The following LMO3 variants were observed in gnomAD, a reference collection of about 807,000 sequenced individuals.
LMO3 encodes LIM domain only 3, also known as LIM domain only protein 3.
In LMO3, 2 loss-of-function variants were observed where a neutral mutation model predicts 15.8. The observed-to-expected ratio is 0.13, with a 90% CI of 0.05 to 0.40. The LOEUF is 0.40. Ranked by LOEUF, LMO3 falls within the 10% of genes least tolerant of loss-of-function variation. The pLI, the probability that LMO3 is intolerant of heterozygous loss-of-function variation, is 0.99. For synonymous variants in LMO3, 62 were observed against 63.8 expected (o/e 0.97, Z 0.13); for missense variants, 86 against 182.2 (o/e 0.47, Z 3.04).
At chr12:16,600,489 T>G in intron 2 of LMO3, 166 bp downstream of exon 2, 1 of 615,850 alleles carries the variant, frequency 1.6e-6, no homozygotes, top group Non-Finnish European at 2.8e-6. Context: ...TCCTTAAGCA[T>G]TAATTTGAGT....
chr12:16,561,751 A>C (rs1260519824), intron 2 of LMO3, among the ~76,000 whole-genome samples: 1 of 152,208 alleles, frequency 6.6e-6, no homozygotes, highest in Non-Finnish European at 1.5e-5. Context: ...AGTTGTTGGA[A>C]ACAGTTGTGA....
At position 16,593,627 on chromosome 12, in the gene LMO3, G is replaced by A. The variant is rs1943559857; in HGVS notation, c.206+7028C>T. Among the ~76,000 whole-genome samples, 2 of 151,784 alleles carry A rather than the reference G, an allele frequency of 1.3e-5. No homozygotes were observed. The highest frequency in any genetic ancestry group is 2.1e-4 in the South Asian group (1 of 4,830). On this transcript the variant is annotated intron_variant, in intron 2 of 3. Coordinates refer to ENST00000537304, the MANE Select transcript of LMO3 (RefSeq NM_018640.5). This position sits in a 1 kb window ranked among gnomAD's most constrained non-coding sequence, Gnocchi z 4.2. The stretch of plus-strand genomic sequence containing the variant: ...AAAAAATGGCACAAGCAAATGCACA[G>A]TTGGCTGATGTAGTTAGTTTGTGAA...
At chr12:16,594,810 A>T (rs2137655127) in intron 2 of LMO3, among the ~76,000 whole-genome samples, 1 of 151,760 alleles carries the variant, frequency 6.6e-6, no homozygotes. Flanking sequence ...AGCATATTTT[A>T]AAAATGAGAT....
chr12:16,565,008 T>A (rs956184876), intron 2 of LMO3, among the ~76,000 whole-genome samples: 3 of 152,122 alleles, frequency 2.0e-5, no homozygotes, highest in African/African-American at 7.2e-5. Context: ...CAGGCTGAAC[T>A]CACACTCTTG....
In LMO3 at chr12:16,598,759, T is replaced by C. The variant is rs1402749846; in HGVS notation, c.206+1896A>G. 6.4e-6 allele frequency: 1 copy of C among 155,298 alleles called. No individual in the cohort carries two copies. Among genetic ancestry groups the C allele is most frequent in the African/African-American group, 2.4e-5 (1 of 41,580 alleles). The allele number at this position is 155,298 out of a possible 1,614,324, so 9.6% of individuals were successfully genotyped here. A position where few individuals can be genotyped will look rare whatever the true frequency, so the allele number is the denominator to read the frequency against. On this transcript the variant is annotated intron_variant, in intron 2 of 3. Transcript: ENST00000537304. This position sits in a 1 kb window ranked among gnomAD's most constrained non-coding sequence, Gnocchi z 4.3. ...TAAGATTACTGTCTTTGCTCGATGC[T>C]ATGTTGACAGCTAAGAAGCATGTTA... is the stretch of plus-strand genomic sequence containing the variant.
chr12:16,566,007 TATATATATA>T (rs2137383963), intron 2 of LMO3, among the ~76,000 whole-genome samples: 1 of 63,136 alleles, frequency 1.6e-5, no homozygotes, highest in Non-Finnish European at 3.1e-5. Context: ...TATATATATA[TATATATATA>T]TATATATATA....
chr12:16,597,019 C>T lies in LMO3; in HGVS notation c.206+3636G>A, dbSNP rs1433892988. Among the ~76,000 whole-genome samples the T allele has an allele frequency of 6.6e-6, 1 of 151,668 alleles. No homozygotes were observed. Among genetic ancestry groups the T allele is most frequent in the East Asian group, 1.9e-4 (1 of 5,188 alleles). ...TAGATTTCATAATTTCAGTCAGAAA[C>T]ATGTTAGAGGAAGTTTTAAAAAGTC... is the stretch of plus-strand genomic sequence containing the variant. On this transcript the variant is annotated intron_variant, in intron 2 of 3. Coordinates refer to ENST00000537304, the MANE Select transcript of LMO3 (RefSeq NM_018640.5). The surrounding 1 kb of genome is among the most constrained non-coding windows in gnomAD (Gnocchi z 5.0).
At chr12:16,575,527 T>C (rs1390387153) in intron 2 of LMO3, among the ~76,000 whole-genome samples, 1 of 152,208 alleles carries the variant, frequency 6.6e-6, no homozygotes, top group Middle Eastern at 3.2e-3. Context: ...CCAGACACTG[T>C]TCTAAGCATT....
rs1001117841 is a variant in LMO3 at position 16,596,237 on chromosome 12, A to T, written c.206+4418T>A. 6.6e-6 allele frequency among the ~76,000 whole-genome samples: 1 copy of T among 151,504 alleles called. No homozygotes were observed. The highest frequency in any genetic ancestry group is 6.6e-5 in the Admixed American group (1 of 15,186). On this transcript the variant is annotated intron_variant, in intron 2 of 3. Coordinates refer to ENST00000537304, the MANE Select transcript of LMO3 (RefSeq NM_018640.5). This position sits in a 1 kb window ranked among gnomAD's most constrained non-coding sequence, Gnocchi z 4.3. ...TTTGTAGTCAGCATAGCAAGCTTCAAATCATTTTAGTTAATTAGCAACTAT... is the reference window on the plus strand; with the variant it reads ...TTTGTAGTCAGCATAGCAAGCTTCATATCATTTTAGTTAATTAGCAACTAT...
At chr12:16,590,342 C>T (rs558195998) in intron 2 of LMO3, among the ~76,000 whole-genome samples, 38 of 152,064 alleles carry the variant, frequency 2.5e-4, no homozygotes, top group Admixed American at 1.2e-3. Flanking sequence ...ATGTAATTCA[C>T]GAAATTGTTT....
rs1053294185 is a variant in LMO3 at position 16,584,582 on chromosome 12, G to C, written c.206+16073C>G. Among the ~76,000 whole-genome samples, 1 of 150,768 alleles carries C rather than the reference G, an allele frequency of 6.6e-6. No individual in the cohort carries two copies. The highest frequency in any genetic ancestry group is 1.5e-5 in the Non-Finnish European group (1 of 67,926). On this transcript the variant is annotated intron_variant, in intron 2 of 3. Transcript: ENST00000537304. This position sits in a 1 kb window ranked among gnomAD's most constrained non-coding sequence, Gnocchi z 5.2. The stretch of plus-strand genomic sequence containing the variant: ...TTTAGATTAACATTGGCAAGTGGAG[G>C]AGTGGGGGGGGTAAGAGGCCTGTTT...
chr12:16,587,732 C>G lies in LMO3; in HGVS notation c.206+12923G>C, dbSNP rs1325144991. The stretch of plus-strand genomic sequence containing the variant: ...GACAAACAATGATATGTATTACATG[C>G]AGTAAACACTGCCTTTGGTACACAG... On this transcript the variant is annotated intron_variant, in intron 2 of 3. Coordinates refer to ENST00000537304, the MANE Select transcript of LMO3 (RefSeq NM_018640.5). This position sits in a 1 kb window ranked among gnomAD's most constrained non-coding sequence, Gnocchi z 4.3. 6.6e-6 allele frequency among the ~76,000 whole-genome samples: 1 copy of G among 151,636 alleles called. No individual in the cohort carries two copies. Among genetic ancestry groups the G allele is most frequent in the Non-Finnish European group, 1.5e-5 (1 of 67,736 alleles).
intron 3 of LMO3, among the ~76,000 whole-genome samples, chr12:16,557,630 T>G (rs968032931): frequency 2.0e-5 from 3 of 152,114 alleles, no homozygotes; most frequent in African/African-American, 7.2e-5. Flanking sequence ...TTGTGATATA[T>G]GTCTTGTGGG....
At chr12:16,570,380 G>A (rs952935175) in intron 2 of LMO3, among the ~76,000 whole-genome samples, 1 of 151,960 alleles carries the variant, frequency 6.6e-6, no homozygotes, top group Non-Finnish European at 1.5e-5. Context: ...AAATTAAGTG[G>A]AGAGGTATCT....
chr12:16,560,545 T>A lies in LMO3; in HGVS notation c.207-7A>T, dbSNP rs756926903. The stretch of plus-strand genomic sequence containing the variant: ...TCCCGTTACACCAAAGAGCCTAGAA[T>A]AAGAAACATTTTTTTTTTTTTACAA... On this transcript the variant is annotated splice_polypyrimidine_tract_variant and splice_region_variant and intron_variant, in intron 2 of 3. Coordinates refer to ENST00000537304, the MANE Select transcript of LMO3 (RefSeq NM_018640.5). The surrounding 1 kb of genome is among the most constrained non-coding windows in gnomAD (Gnocchi z 5.0). The A allele has an allele frequency of 2.5e-6, 4 of 1,583,172 alleles. No individual in the cohort carries two copies. Among genetic ancestry groups the A allele is most frequent in the South Asian group, 2.3e-5 (2 of 87,110 alleles).
intron 1 of LMO3, among the ~76,000 whole-genome samples, chr12:16,602,943 T>C (rs968291845): frequency 6.6e-6 from 1 of 152,120 alleles, no homozygotes; most frequent in Non-Finnish European, 1.5e-5. Flanking sequence ...TCTATTAAAT[T>C]TGTAAGGCTA....
At chr12:16,563,080 C>G (rs552065558) in intron 2 of LMO3, among the ~76,000 whole-genome samples, 1 of 152,310 alleles carries the variant, frequency 6.6e-6, no homozygotes, top group Admixed American at 6.5e-5. Context: ...GAGGCTCCAT[C>G]AGTTTCCATC....
Position 16,591,215 on chromosome 12 carries a change from A to G in LMO3, c.206+9440T>C, listed in dbSNP as rs2137623138. The stretch of plus-strand genomic sequence containing the variant: ...TCTCCCACACCCCAGCTGCACTAGT[A>G]TCTGTGATGTCCTTCAAACATATGA... On this transcript the variant is annotated intron_variant, in intron 2 of 3. Coordinates refer to ENST00000537304, the MANE Select transcript of LMO3 (RefSeq NM_018640.5). The surrounding 1 kb of genome is among the most constrained non-coding windows in gnomAD (Gnocchi z 4.1). Among the ~76,000 whole-genome samples, 1 of 152,028 alleles carries G rather than the reference A, an allele frequency of 6.6e-6. No individual in the cohort carries two copies. The highest frequency in any genetic ancestry group is 1.5e-5 in the Non-Finnish European group (1 of 67,922).
At position 16,597,674 on chromosome 12, in the gene LMO3, A is replaced by T. The variant is rs1357974866; in HGVS notation, c.206+2981T>A. On this transcript the variant is annotated intron_variant, in intron 2 of 3. Transcript: ENST00000537304. This position sits in a 1 kb window ranked among gnomAD's most constrained non-coding sequence, Gnocchi z 5.0. ...TTTCCTTATTCTTACTTATGTTCTT[A>T]ATAATTTAGACATGAAATATAAATA... 1 of 151,948 alleles carries T rather than the reference A, an allele frequency of 6.6e-6. No homozygotes were observed. The highest frequency in any genetic ancestry group is 1.5e-5 in the Non-Finnish European group (1 of 67,836). 9.4% of individuals were successfully genotyped at this position (151,948 alleles called of 1,614,324 possible). A position where few individuals can be genotyped will look rare whatever the true frequency, so the allele number is the denominator to read the frequency against.
Sources: gnomAD v4.1 joint callset for allele counts (sites outside exome capture counted in the v4.1 genomes callset) on GRCh38, gnomAD v4.1.1 for gene constraint, Gnocchi (gnomAD v3.1) non-coding constraint, MANE v1.5 for transcripts, NCBI Gene and HGNC (gene_info 2026-07-23, HGNC 2026-07-21) for gene names.